The following NPIPB2 variants were observed in gnomAD, a reference collection of about 807,000 sequenced individuals.
NPIPB2 encodes nuclear pore complex-interacting protein family member B2.
Under a neutral mutation model 30.8 loss-of-function variants are expected in NPIPB2, and 27 were observed. The ratio of observed to expected loss-of-function variants is 0.88; its 90% CI spans 0.65 to 1.21. The LOEUF is 1.21. NPIPB2 is among the 50% of genes most tolerant of loss of function. The pLI is 0.00. For missense variants in NPIPB2, 440 were observed against 446.2 expected (o/e 0.99, Z 0.13); for synonymous variants, 147 against 162.0 (o/e 0.91, Z 0.70).
chr16:11,930,221 A>C (rs1362207009), intron 5 of NPIPB2, among the ~76,000 whole-genome samples: 1 of 111,444 alleles, frequency 9.0e-6, no homozygotes. Context: ...CACACAGTCT[A>C]GCTGGCAATG....
chr16:11,949,385 G>T (rs1055311230), intron 1 of NPIPB2, among the ~76,000 whole-genome samples: 4 of 152,156 alleles, frequency 2.6e-5, no homozygotes, highest in African/African-American at 9.7e-5. Context: ...CTACATAGCT[G>T]GTAGGAGGCA....
At chr16:11,939,151 A>G (rs922561547) in intron 1 of NPIPB2, among the ~76,000 whole-genome samples, 8 of 152,098 alleles carry the variant, frequency 5.3e-5, no homozygotes, top group Admixed American at 1.3e-4. Context: ...TCTAAATAAT[A>G]CTTCTCTCTT....
At chr16:11,952,075 C>A (rs1210204978) in intron 1 of NPIPB2, among the ~76,000 whole-genome samples, 3 of 146,868 alleles carry the variant, frequency 2.0e-5, no homozygotes, top group East Asian at 4.1e-4. Context: ...AGGAGAATGG[C>A]GTGAACCCAG....
intron 1 of NPIPB2, among the ~76,000 whole-genome samples, chr16:11,954,489 A>G (rs1043337136): frequency 3.3e-5 from 5 of 151,758 alleles, no homozygotes; most frequent in Admixed American, 1.3e-4. Context: ...AAAAAAAAAA[A>G]AAAGAAAGAA....
intron 1 of NPIPB2, among the ~76,000 whole-genome samples, chr16:11,955,183 A>G (rs1164108526): frequency 6.0e-5 from 9 of 150,708 alleles, no homozygotes; most frequent in Middle Eastern, 6.9e-3. Context: ...GTGAAACCCC[A>G]TCTCTACTAA....
At chr16:11,931,753 G>C (rs256381) in intron 4 of NPIPB2, among the ~76,000 whole-genome samples, 1 of 138,372 alleles carries the variant, frequency 7.2e-6, no homozygotes, top group East Asian at 2.2e-4. Flanking sequence ...TCTGATCTCC[G>C]ATGAGAACAA....
rs190939437 is a variant in NPIPB2, at chr16:11,937,356, C to A, written c.192+184G>T. ...TGACATTCTATTAAACAAACACTGA[C>A]CTATTTAATTTTCATAATGTAAATG... On this transcript the variant is annotated intron_variant, in intron 2 of 7. Coordinates refer to ENST00000399147, the Ensembl canonical transcript of NPIPB2. 7.2e-5 allele frequency among the ~76,000 whole-genome samples: 11 copies of A among 152,294 alleles called. No individual in the cohort carries two copies. In the East Asian group the frequency reaches 2.1e-3, roughly 29 times the overall value.
At chr16:11,955,624 G>A (rs557495814) in intron 1 of NPIPB2, among the ~76,000 whole-genome samples, 1 of 151,796 alleles carries the variant, frequency 6.6e-6, no homozygotes, top group African/African-American at 2.4e-5. Flanking sequence ...GGGTGGCTGA[G>A]GCAGGAGAAT....
At chr16:11,959,604 T>A (rs996767168) in intron 1 of NPIPB2, among the ~76,000 whole-genome samples, 1 of 151,974 alleles carries the variant, frequency 6.6e-6, no homozygotes. Flanking sequence ...AAAAATCATA[T>A]TATTAAAAAA....
intron 1 of NPIPB2, among the ~76,000 whole-genome samples, chr16:11,949,082 G>T: frequency 6.6e-6 from 1 of 151,988 alleles, no homozygotes; most frequent in East Asian, 1.9e-4. Flanking sequence ...CCAGGAGGTT[G>T]AGGCTGCTGT....
intron 1 of NPIPB2, chr16:11,941,205 C>T: frequency 5.9e-6 from 9 of 1,527,950 alleles, no homozygotes; most frequent in Non-Finnish European, 7.9e-6. Context: ...CCAGCAGGAG[C>T]CAAAAGAGGA....
intron 5 of NPIPB2, chr16:11,929,657 G>A (rs2054764434): frequency 3.9e-6 from 1 of 254,996 alleles, no homozygotes; most frequent in African/African-American, 8.3e-5. Context: ...GGGGCGGATG[G>A]ATCACGAGGT....
At chr16:11,963,068 A>T (rs1448276916) in intron 1 of NPIPB2, among the ~76,000 whole-genome samples, 4 of 152,016 alleles carry the variant, frequency 2.6e-5, no homozygotes, top group Non-Finnish European at 5.9e-5. Flanking sequence ...AAACAAACAA[A>T]CAAACAAACA....
chr16:11,953,631 T>C (rs1362684205), intron 1 of NPIPB2, among the ~76,000 whole-genome samples: 1 of 152,102 alleles, frequency 6.6e-6, no homozygotes, highest in Non-Finnish European at 1.5e-5. Flanking sequence ...ATTACAGGCA[T>C]GAGCCACTGT....
At chr16:11,944,046 G>C (rs187498577), upstream of NPIPB2, among the ~76,000 whole-genome samples, 5 of 144,498 alleles carry the variant, frequency 3.5e-5, no homozygotes, top group East Asian at 8.2e-4. Context: ...ATTTATAAGA[G>C]AGGAAGATTA....
chr16:11,941,645 G>C (rs1158496278), intron 1 of NPIPB2, among the ~76,000 whole-genome samples: 1 of 151,668 alleles, frequency 6.6e-6, no homozygotes, highest in Non-Finnish European at 1.5e-5. Flanking sequence ...CTTCGGTCTG[G>C]GCCCTCCCTT....
At chr16:11,965,126 T>G (rs2055182912) in intron 1 of NPIPB2, 2 of 623,422 alleles carry the variant, frequency 3.2e-6, no homozygotes, top group South Asian at 2.0e-5. Context: ...ACTTAGAAAC[T>G]TGAATTAGAT....
intron 1 of NPIPB2, among the ~76,000 whole-genome samples, chr16:11,974,289 G>A (rs2055253874): frequency 6.6e-6 from 1 of 152,146 alleles, no homozygotes; most frequent in African/African-American, 2.4e-5. Context: ...AGGCCGAGGA[G>A]GGTGGATCAC....
intron 1 of NPIPB2, chr16:11,968,019 T>A: frequency 1.4e-6 from 1 of 716,356 alleles, no homozygotes; most frequent in Non-Finnish European, 2.2e-6. Context: ...GTTGGGAGCT[T>A]AATGGTAGAA....
Sources: gnomAD v4.1 joint callset for allele counts (sites outside exome capture counted in the v4.1 genomes callset) on GRCh38, gnomAD v4.1.1 for gene constraint, MANE v1.5 for transcripts, NCBI Gene and HGNC (gene_info 2026-07-23, HGNC 2026-07-21) for gene names.